IMMP2L: variants seen among roughly 807,000 people sequenced by gnomAD.
IMMP2L encodes inner mitochondrial membrane peptidase subunit 2, also known as mitochondrial inner membrane protease subunit 2.
IMMP2L carries 18 observed loss-of-function variants against 19.3 expected under a neutral mutation model. The observed-to-expected ratio is 0.93, with a 90% CI of 0.64 to 1.38. The LOEUF is 1.38. Among genes scored for constraint, IMMP2L ranks in the 40% most tolerant of loss-of-function variants. The pLI, the probability that IMMP2L is intolerant of heterozygous loss-of-function variation, is 0.00. For missense variants in IMMP2L, 233 were observed against 218.2 expected (o/e 1.07, Z -0.43); for synonymous variants, 76 against 73.0 (o/e 1.04, Z -0.21).
chr7:111,556,117 G>A (rs1381942437), intron 1 of IMMP2L, among the ~76,000 whole-genome samples: 1 of 148,550 alleles, frequency 6.7e-6, no homozygotes, highest in Non-Finnish European at 1.5e-5. Flanking sequence ...ATTCTAATAT[G>A]TGTGCATACA....
chr7:110,684,914 G>A (rs1793004644), intron 5 of IMMP2L, among the ~76,000 whole-genome samples: 1 of 152,066 alleles, frequency 6.6e-6, no homozygotes, highest in Non-Finnish European at 1.5e-5. Flanking sequence ...TGTATCCAGT[G>A]CTACCTGGCA....
At chr7:111,385,003 C>T (rs115937837) in intron 3 of IMMP2L, among the ~76,000 whole-genome samples, 12 of 152,206 alleles carry the variant, frequency 7.9e-5, no homozygotes, top group African/African-American at 2.6e-4. Flanking sequence ...TTCTGTAAGG[C>T]CTTATTCATC....
At chr7:111,182,770 T>C (rs1024925928) in intron 3 of IMMP2L, among the ~76,000 whole-genome samples, 3 of 151,952 alleles carry the variant, frequency 2.0e-5, no homozygotes, top group African/African-American at 7.2e-5. Context: ...CCTACAGATA[T>C]ATGGCACAAT....
intron 5 of IMMP2L, among the ~76,000 whole-genome samples, chr7:110,882,928 C>A (rs1251997830): frequency 6.6e-6 from 1 of 152,068 alleles, no homozygotes; most frequent in Non-Finnish European, 1.5e-5. Context: ...CCTGACGCAT[C>A]CCACCCATCA....
chr7:110,817,668 CA>C (rs1194228429), intron 5 of IMMP2L, among the ~76,000 whole-genome samples: 1 of 151,972 alleles, frequency 6.6e-6, no homozygotes, highest in Non-Finnish European at 1.5e-5. Flanking sequence ...AATCCTAACC[CA>C]AAAGAACAAA....
intron 3 of IMMP2L, among the ~76,000 whole-genome samples, chr7:111,308,052 C>T (rs1306735449): frequency 1.3e-5 from 2 of 151,878 alleles, no homozygotes; most frequent in Non-Finnish European, 2.9e-5. Context: ...AACTCAGTCT[C>T]TTAACTTACA....
intron 3 of IMMP2L, among the ~76,000 whole-genome samples, chr7:111,263,003 A>T (rs1281270806): frequency 1.3e-5 from 2 of 152,118 alleles, no homozygotes; most frequent in Non-Finnish European, 2.9e-5. Context: ...TGTGGCTGCT[A>T]TATTGTGAAT....
At chr7:111,542,067 A>T (rs1053857789) in intron 1 of IMMP2L, among the ~76,000 whole-genome samples, 4 of 151,960 alleles carry the variant, frequency 2.6e-5, no homozygotes, top group African/African-American at 4.8e-5. Context: ...TATATTTTGG[A>T]TATTAACCTC....
chr7:111,470,098 A>C (rs184282496), intron 3 of IMMP2L, among the ~76,000 whole-genome samples: 2,095 of 152,206 alleles, frequency 0.014, 48 homozygotes, highest in African/African-American at 0.048. Flanking sequence ...AGAAGACATT[A>C]ATGCAGTCAA....
At chr7:111,205,335 A>G (rs377671769) in intron 3 of IMMP2L, among the ~76,000 whole-genome samples, 1 of 152,216 alleles carries the variant, frequency 6.6e-6, no homozygotes, top group African/African-American at 2.4e-5. Flanking sequence ...TATTCAGCCC[A>G]TCACATACAT....
intron 3 of IMMP2L, among the ~76,000 whole-genome samples, chr7:111,070,066 A>G (rs1794823809): frequency 1.3e-5 from 2 of 152,210 alleles, no homozygotes; most frequent in South Asian, 4.1e-4. Context: ...GTTGGAAGGA[A>G]AACAGTTTTT....
intron 5 of IMMP2L, among the ~76,000 whole-genome samples, chr7:110,883,272 A>C (rs1261347304): frequency 2.6e-5 from 4 of 152,116 alleles, no homozygotes; most frequent in Admixed American, 2.6e-4. Context: ...CATTTTCCAC[A>C]GTTGTCTGTT....
At chr7:110,944,170 A>G (rs1387065905) in intron 4 of IMMP2L, among the ~76,000 whole-genome samples, 2 of 151,996 alleles carry the variant, frequency 1.3e-5, no homozygotes, top group Non-Finnish European at 2.9e-5. Context: ...TCTGGGCTCC[A>G]AAAATAAGTC....
chr7:110,968,738 A>T (rs1819825428), intron 3 of IMMP2L, among the ~76,000 whole-genome samples: 1 of 152,152 alleles, frequency 6.6e-6, no homozygotes, highest in Non-Finnish European at 1.5e-5. Context: ...TGTTTCACAA[A>T]TGTGTAGTAC....
chr7:110,841,905 T>C (rs1805125996), intron 5 of IMMP2L, among the ~76,000 whole-genome samples: 1 of 152,104 alleles, frequency 6.6e-6, no homozygotes, highest in Admixed American at 6.6e-5. Flanking sequence ...CATAAATATG[T>C]CTAAGTTAAA....
At chr7:111,434,723 T>A (rs1436256445) in intron 3 of IMMP2L, among the ~76,000 whole-genome samples, 2 of 151,646 alleles carry the variant, frequency 1.3e-5, no homozygotes, top group Non-Finnish European at 1.5e-5. Flanking sequence ...CCAGCTAATT[T>A]TTGTATTTTT....
chr7:111,534,844 G>A (rs1172115361), intron 1 of IMMP2L, among the ~76,000 whole-genome samples: 1 of 152,040 alleles, frequency 6.6e-6, no homozygotes, highest in African/African-American at 2.4e-5. Flanking sequence ...GCATACCAAC[G>A]AAGAAATGCA....
At chr7:111,092,462 G>A (rs1441612702) in intron 3 of IMMP2L, among the ~76,000 whole-genome samples, 1 of 152,138 alleles carries the variant, frequency 6.6e-6, no homozygotes, top group East Asian at 1.9e-4. Context: ...GTGAAAGCAG[G>A]CTATGAATAT....
At chr7:111,357,679 CAG>C (rs1302199554) in intron 3 of IMMP2L, among the ~76,000 whole-genome samples, 1 of 151,932 alleles carries the variant, frequency 6.6e-6, no homozygotes, top group Admixed American at 6.6e-5. Flanking sequence ...TTTTATTAAA[CAG>C]AATAAAATAA....
Sources: gnomAD v4.1 joint callset for allele counts (sites outside exome capture counted in the v4.1 genomes callset) on GRCh38, gnomAD v4.1.1 for gene constraint, MANE v1.5 for transcripts, NCBI Gene and HGNC (gene_info 2026-07-23, HGNC 2026-07-21) for gene names.